The following CNTNAP2 variants were observed in gnomAD, a reference collection of about 807,000 sequenced individuals.
The protein encoded by CNTNAP2 is contactin-associated protein-like 2.
CNTNAP2 carries 98 observed loss-of-function variants against 155.2 expected under a neutral mutation model. That is an observed-to-expected ratio of 0.63 (90% CI 0.54 to 0.75). CNTNAP2 has a LOEUF of 0.75. Ranked by LOEUF, CNTNAP2 falls within the 30% of genes least tolerant of loss-of-function variation. The pLI, the probability that CNTNAP2 is intolerant of heterozygous loss-of-function variation, is 0.00. For synonymous variants in CNTNAP2, 651 were observed against 631.2 expected (o/e 1.03, Z -0.47); for missense variants, 1,727 against 1,688.1 (o/e 1.02, Z -0.40).
intron 2 of CNTNAP2, among the ~76,000 whole-genome samples, chr7:146,825,068 T>A (rs1803374635): frequency 6.6e-6 from 1 of 152,042 alleles, no homozygotes; most frequent in South Asian, 2.1e-4. Flanking sequence ...AAGGCTTATC[T>A]GTCCTGTGTG....
At chr7:147,830,644 T>C (rs1182091325) in intron 13 of CNTNAP2, among the ~76,000 whole-genome samples, 3 of 152,196 alleles carry the variant, frequency 2.0e-5, no homozygotes, top group African/African-American at 7.2e-5. Context: ...GACTGCCTAC[T>C]ATTTGCCAAG....
chr7:146,789,328 A>G (rs1802631382), intron 2 of CNTNAP2, among the ~76,000 whole-genome samples: 1 of 152,180 alleles, frequency 6.6e-6, no homozygotes, highest in Non-Finnish European at 1.5e-5. Context: ...AAGTTTTCCC[A>G]CTGGTGTTTT....
chr7:148,239,815 C>T (rs937759018), intron 20 of CNTNAP2, among the ~76,000 whole-genome samples: 5 of 152,150 alleles, frequency 3.3e-5, no homozygotes, highest in Non-Finnish European at 7.3e-5. Flanking sequence ...GGACATGGTT[C>T]CTAGGAGTGT....
rs183017002 is a variant in CNTNAP2 at position 147,736,093 on chromosome 7, G to A, written c.2098+96787G>A. On this transcript the variant is annotated intron_variant, in intron 13 of 23. Transcript: ENST00000361727. ...TATTAGCTGGTTATTTTGCTCGTTA[G>A]TTGATGCAGTTTCTTCCTAGCCTTG... 2.2e-3 allele frequency among the ~76,000 whole-genome samples: 326 copies of A among 150,834 alleles called. 5 individuals are homozygous for A. Among genetic ancestry groups the A allele is most frequent in the African/African-American group, 7.4e-3 (308 of 41,362 alleles).
intron 8 of CNTNAP2, among the ~76,000 whole-genome samples, chr7:147,137,125 T>A (rs1283849807): frequency 6.6e-6 from 1 of 151,614 alleles, no homozygotes; most frequent in Non-Finnish European, 1.5e-5. Flanking sequence ...TCACAACATA[T>A]ATACAATAAC....
At chr7:148,128,193 C>T (rs1030777221) in intron 16 of CNTNAP2, among the ~76,000 whole-genome samples, 2 of 152,084 alleles carry the variant, frequency 1.3e-5, no homozygotes, top group African/African-American at 4.8e-5. Context: ...TTTAATTATC[C>T]AAGCCAACTT....
intron 9 of CNTNAP2, among the ~76,000 whole-genome samples, chr7:147,306,994 C>T (rs1795041308): frequency 6.6e-6 from 1 of 152,108 alleles, no homozygotes; most frequent in Admixed American, 6.6e-5. Flanking sequence ...GTTCCCTTTC[C>T]AAAATTACAT....
At chr7:146,885,928 G>GGTGTGT (rs36231370) in intron 3 of CNTNAP2, among the ~76,000 whole-genome samples, 83 of 141,940 alleles carry the variant, frequency 5.8e-4, no homozygotes, top group Non-Finnish European at 8.9e-4. Context: ...TATGTAAGTC[G>GGTGTGT]GTGTGTGTGT....
intron 16 of CNTNAP2, among the ~76,000 whole-genome samples, chr7:148,142,573 AT>A (rs1347013535): frequency 6.6e-6 from 1 of 152,216 alleles, no homozygotes; most frequent in Non-Finnish European, 1.5e-5. Context: ...AAAACGTATC[AT>A]TACCAAAACT....
chr7:148,333,726 A>G (rs1226670888), intron 21 of CNTNAP2, among the ~76,000 whole-genome samples: 1 of 152,186 alleles, frequency 6.6e-6, no homozygotes, highest in Non-Finnish European at 1.5e-5. Flanking sequence ...TAACAGAGAA[A>G]GATTCACTGC....
Position 148,410,489 on chromosome 7 carries a change from C to G in CNTNAP2, c.3796+1018C>G, listed in dbSNP as rs1199810329. The stretch of plus-strand genomic sequence containing the variant: ...GCCTGAGACAAGAGAATTGCTTGAG[C>G]CTGGGAGGTAGAGGTTGCAGTGAGC... On this transcript the variant is annotated intron_variant, in intron 23 of 23. Coordinates refer to ENST00000361727, the MANE Select transcript of CNTNAP2 (RefSeq NM_014141.6). Among the ~76,000 whole-genome samples, 3 of 146,922 alleles carry G rather than the reference C, an allele frequency of 2.0e-5. No homozygotes were observed. The East Asian group carries it at 6.2e-4, about 30-fold the overall frequency.
rs146737316 is a variant in CNTNAP2, at chr7:146,851,243, C to G, written c.402+11339C>G. 2.7e-3 allele frequency among the ~76,000 whole-genome samples: 407 copies of G among 152,210 alleles called. 3 individuals are homozygous for G. The highest frequency in any genetic ancestry group is 9.5e-3 in the African/African-American group (393 of 41,528). ...CTGGTGATTCACTAGCCTCGGCCTC[C>G]CAGAGTGCTGGAATTACAGGCATGA... On this transcript the variant is annotated intron_variant, in intron 3 of 23. Coordinates refer to ENST00000361727, the MANE Select transcript of CNTNAP2 (RefSeq NM_014141.6).
chr7:146,415,922 A>T (rs1257007933), intron 1 of CNTNAP2, among the ~76,000 whole-genome samples: 1 of 152,090 alleles, frequency 6.6e-6, no homozygotes, highest in Non-Finnish European at 1.5e-5. Context: ...ATCAATAAAT[A>T]ATTTCATAAT....
intron 13 of CNTNAP2, among the ~76,000 whole-genome samples, chr7:147,701,090 C>T (rs79510171): frequency 0.011 from 1,657 of 152,256 alleles, 31 homozygotes; most frequent in African/African-American, 0.038. Context: ...TTGTAGTTCT[C>T]TTCAGTTACA....
intron 11 of CNTNAP2, among the ~76,000 whole-genome samples, chr7:147,527,022 T>C (rs1301839597): frequency 2.9e-4 from 39 of 133,662 alleles, no homozygotes; most frequent in African/African-American, 8.7e-4. Context: ...TTTCTTTTTT[T>C]TTTTTTTTTT....
chr7:147,386,141 C>T (rs992780127), intron 9 of CNTNAP2, among the ~76,000 whole-genome samples: 2 of 152,138 alleles, frequency 1.3e-5, no homozygotes, highest in Non-Finnish European at 2.9e-5. Flanking sequence ...CTAGACTGCA[C>T]ATAGCAGAGG....
chr7:147,181,392 C>T (rs1802453471), intron 8 of CNTNAP2, among the ~76,000 whole-genome samples: 1 of 152,194 alleles, frequency 6.6e-6, no homozygotes, highest in Non-Finnish European at 1.5e-5. Flanking sequence ...AAAACATTTT[C>T]TCATGTCTAA....
At chr7:147,835,430 T>C (rs748551500) in intron 13 of CNTNAP2, among the ~76,000 whole-genome samples, 4 of 152,142 alleles carry the variant, frequency 2.6e-5, no homozygotes, top group Non-Finnish European at 4.4e-5. Flanking sequence ...GCCAAGATAG[T>C]GGCCAAGCCA....
chr7:147,270,953 CT>C (rs1475227383), intron 8 of CNTNAP2, among the ~76,000 whole-genome samples: 1 of 152,040 alleles, frequency 6.6e-6, no homozygotes, highest in African/African-American at 2.4e-5. Flanking sequence ...TCTCTTCCCC[CT>C]AGGAAGCCCC....
Sources: allele counts gnomAD v4.1 joint callset (sites outside exome capture counted in the v4.1 genomes callset), GRCh38; gene constraint gnomAD v4.1.1; transcripts MANE v1.5; gene names NCBI Gene and HGNC (gene_info 2026-07-23, HGNC 2026-07-21).